SMAP1: variants seen among roughly 807,000 people sequenced by gnomAD.
SMAP1 encodes the protein stromal membrane-associated protein 1.
Under a neutral mutation model 58.5 loss-of-function variants are expected in SMAP1, and 24 were observed. The ratio of observed to expected loss-of-function variants is 0.41; its 90% CI spans 0.30 to 0.58. The LOEUF (loss-of-function observed/expected upper bound fraction) is 0.58, where lower values mean the gene tolerates loss of function less well. SMAP1 is among the 20% of genes least tolerant of loss of function. The pLI is 0.29. For synonymous variants in SMAP1, 216 were observed against 196.6 expected (o/e 1.10, Z -0.82); for missense variants, 563 against 566.3 (o/e 0.99, Z 0.06).
intron 2 of SMAP1, among the ~76,000 whole-genome samples, chr6:70,750,873 A>G (rs1039693232): frequency 1.3e-5 from 2 of 152,212 alleles, no homozygotes; most frequent in Non-Finnish European, 2.9e-5. Context: ...TACAAAATTC[A>G]TCTTTCTGGG....
intron 2 of SMAP1, among the ~76,000 whole-genome samples, chr6:70,750,781 A>G (rs532413341): frequency 1.9e-4 from 29 of 152,188 alleles, no homozygotes; most frequent in Non-Finnish European, 4.0e-4. Flanking sequence ...ATGGTTTATT[A>G]CACCATTTCC....
At chr6:70,845,180 T>C (rs1770943105) in intron 7 of SMAP1, among the ~76,000 whole-genome samples, 1 of 150,556 alleles carries the variant, frequency 6.6e-6, no homozygotes, top group Non-Finnish European at 1.5e-5. Flanking sequence ...TCTTTGACAT[T>C]TTTTCTTATT....
chr6:70,747,418 T>TA (rs1766091393), intron 2 of SMAP1, among the ~76,000 whole-genome samples: 2 of 152,002 alleles, frequency 1.3e-5, no homozygotes, highest in African/African-American at 4.8e-5. Flanking sequence ...TCAGAGGAGG[T>TA]AAAGGTGAAG....
chr6:70,732,209 C>T (rs1048382559), intron 1 of SMAP1, among the ~76,000 whole-genome samples, 169 bp from the exon 2 acceptor site: 1 of 152,144 alleles, frequency 6.6e-6, no homozygotes, highest in African/African-American at 2.4e-5. Context: ...ATTGCCAAGA[C>T]ACATGTCTTC....
At chr6:70,835,085 TAA>T (rs371546229) in intron 6 of SMAP1, among the ~76,000 whole-genome samples, 206 of 137,916 alleles carry the variant, frequency 1.5e-3, no homozygotes, top group African/African-American at 1.3e-3. Flanking sequence ...CTGTTTCTAC[TAA>T]AAAAAAAAAA....
intron 3 of SMAP1, among the ~76,000 whole-genome samples, chr6:70,763,490 C>T (rs894633347): frequency 2.0e-5 from 3 of 152,230 alleles, no homozygotes; most frequent in Middle Eastern, 6.8e-3. Context: ...ACATTAACAC[C>T]TACAGTAGCT....
chr6:70,859,456 G>C (rs1771601258), intron 10 of SMAP1: 1 of 1,264,828 alleles, frequency 7.9e-7, no homozygotes, highest in African/African-American at 1.5e-5. Flanking sequence ...ACTTATGCCT[G>C]ATTAGTGATG....
At chr6:70,830,047 A>G (rs913265140) in intron 6 of SMAP1, among the ~76,000 whole-genome samples, 1 of 152,230 alleles carries the variant, frequency 6.6e-6, no homozygotes, top group African/African-American at 2.4e-5. Flanking sequence ...TGAACGAGAC[A>G]TCTGCTCAAT....
intron 8 of SMAP1, among the ~76,000 whole-genome samples, chr6:70,855,050 T>TCATATACAGATACATATACATATA (rs1771345773): frequency 4.0e-5 from 5 of 124,378 alleles, no homozygotes; most frequent in African/African-American, 1.6e-4. Flanking sequence ...TCCTGTTCTT[T>TCATATACAGATACATATACATATA]CATATACATA....
At position 70,724,758 on chromosome 6, in the gene SMAP1, G is replaced by C. The variant is rs577955034; in HGVS notation, c.119-7620G>C. On this transcript the variant is annotated intron_variant, in intron 1 of 10. Coordinates refer to ENST00000370455, the MANE Select transcript of SMAP1 (RefSeq NM_001044305.3). ...TACAGGAAAACATGAACGTGACACAGATAACCACAGGTGACTAGGTCATAG... is the reference window on the plus strand; with the variant it reads ...TACAGGAAAACATGAACGTGACACACATAACCACAGGTGACTAGGTCATAG... Among the ~76,000 whole-genome samples, 34 of 152,242 alleles carry C rather than the reference G, an allele frequency of 2.2e-4. No individual in the cohort carries two copies. The Middle Eastern group carries it at 0.014, about 61-fold the overall frequency.
intron 3 of SMAP1, among the ~76,000 whole-genome samples, chr6:70,768,070 T>C (rs1273932404): frequency 1.3e-5 from 2 of 152,180 alleles, no homozygotes; most frequent in Admixed American, 6.5e-5. Flanking sequence ...TTTGTGTATA[T>C]TGAACCAGCC....
At chr6:70,828,229 A>G (rs990111868) in intron 6 of SMAP1, among the ~76,000 whole-genome samples, 2 of 152,220 alleles carry the variant, frequency 1.3e-5, no homozygotes, top group African/African-American at 2.4e-5. Context: ...AATATAGTGG[A>G]TAATATTAAC....
intron 1 of SMAP1, among the ~76,000 whole-genome samples, 176 bp downstream of exon 1, chr6:70,668,317 C>A (rs1052160234): frequency 6.6e-6 from 1 of 152,024 alleles, no homozygotes; most frequent in Admixed American, 6.5e-5. Context: ...CCCTCAAGTC[C>A]GCCAGAGGCG....
In SMAP1 at chr6:70,745,365, G is replaced by A. The variant is rs1328489203; in HGVS notation, c.253-9615G>A. On this transcript the variant is annotated intron_variant, in intron 2 of 10. Transcript: ENST00000370455. The stretch of plus-strand genomic sequence containing the variant: ...TAATTTTTGTATAAGGTATAAGGAA[G>A]GGATCCAGTTTCAGCTTTCTACATA... Among the ~76,000 whole-genome samples the A allele has an allele frequency of 3.3e-5, 5 of 152,202 alleles. No individual in the cohort carries two copies. The East Asian group carries it at 9.6e-4, about 29-fold the overall frequency.
intron 6 of SMAP1, among the ~76,000 whole-genome samples, chr6:70,836,071 A>G (rs1439142103): frequency 2.6e-5 from 4 of 152,152 alleles, no homozygotes; most frequent in Non-Finnish European, 5.9e-5. Flanking sequence ...CAGTGTGTGG[A>G]TGATGGGCTA....
intron 6 of SMAP1, among the ~76,000 whole-genome samples, chr6:70,815,525 T>A (rs1382692106): frequency 6.6e-6 from 1 of 152,130 alleles, no homozygotes; most frequent in Non-Finnish European, 1.5e-5. Context: ...GAATACTTTT[T>A]TTGGCGGGGG....
At chr6:70,677,550 C>T (rs545242758) in intron 1 of SMAP1, among the ~76,000 whole-genome samples, 18 of 147,534 alleles carry the variant, frequency 1.2e-4, no homozygotes, top group African/African-American at 4.3e-4. Context: ...TCCCGAGGAG[C>T]TGGTACTACA....
chr6:70,678,636 A>C (rs546939594), intron 1 of SMAP1, among the ~76,000 whole-genome samples: 1 of 152,226 alleles, frequency 6.6e-6, no homozygotes, highest in South Asian at 2.1e-4. Flanking sequence ...GTCAGAGTCC[A>C]AAAAGAGTCT....
At chr6:70,720,032 C>T (rs913222248) in intron 1 of SMAP1, among the ~76,000 whole-genome samples, 3 of 152,146 alleles carry the variant, frequency 2.0e-5, no homozygotes, top group Middle Eastern at 6.3e-3. Context: ...TCAGCATTAA[C>T]CAAAAAGTCC....
Sources: gnomAD v4.1 joint callset for allele counts (sites outside exome capture counted in the v4.1 genomes callset) on GRCh38, gnomAD v4.1.1 for gene constraint, MANE v1.5 for transcripts, NCBI Gene and HGNC (gene_info 2026-07-23, HGNC 2026-07-21) for gene names.